The following FSD1 variants were observed in gnomAD, a reference collection of about 807,000 sequenced individuals.
FSD1 encodes fibronectin type III and SPRY domain-containing protein 1.
In FSD1, 23 loss-of-function variants were observed where a neutral mutation model predicts 58.2. That is an observed-to-expected ratio of 0.40 (90% CI 0.28 to 0.56). The LOEUF is 0.56. FSD1 is among the 20% of genes least tolerant of loss of function. FSD1 has a pLI of 0.54. For missense variants in FSD1, 563 were observed against 670.8 expected (o/e 0.84, Z 1.78); for synonymous variants, 265 against 263.4 (o/e 1.01, Z -0.06).
intron 10 of FSD1, 89 bp downstream of exon 10, chr19:4,319,040 G>A (rs978349020): frequency 4.0e-5 from 40 of 997,374 alleles, no homozygotes; most frequent in Middle Eastern, 2.1e-4. Context: ...CTTTGGCTGC[G>A]GAAACAGGCA....
intron 6 of FSD1, 85 bp from the exon 7 acceptor site, chr19:4,311,755 CAT>C: frequency 1.6e-6 from 2 of 1,249,488 alleles, no homozygotes; most frequent in Non-Finnish European, 1.2e-6. Context: ...AATTGTCCAA[CAT>C]GTGGTTGGGC....
chr19:4,305,862 G>T, intron 1 of FSD1, 84 bp from the exon 2 acceptor site: 1 of 978,654 alleles, frequency 1.0e-6, no homozygotes, highest in South Asian at 1.3e-5. Context: ...GTGTGCACGT[G>T]TGTACATGTG....
chr19:4,308,350 G>T (rs1197434124), intron 4 of FSD1, among the ~76,000 whole-genome samples: 1 of 152,174 alleles, frequency 6.6e-6, no homozygotes, highest in Non-Finnish European at 1.5e-5. Flanking sequence ...AGAGGTTGCC[G>T]TGAGCTGAGA....
intron 10 of FSD1, among the ~76,000 whole-genome samples, chr19:4,320,632 G>A (rs576377363): frequency 6.6e-6 from 1 of 152,248 alleles, no homozygotes; most frequent in East Asian, 1.9e-4. Context: ...TAAAGCTTAG[G>A]AGTATCTGGG....
intron 6 of FSD1, 44 bp from the exon 7 acceptor site, chr19:4,311,798 C>T (rs374955411): frequency 9.4e-5 from 149 of 1,592,024 alleles, no homozygotes; most frequent in Non-Finnish European, 1.2e-4. Context: ...GCCCCCTGAA[C>T]CAGGCACAGA....
intron 1 of FSD1, 49 bp downstream of exon 1, chr19:4,304,810 G>GC: frequency 8.9e-6 from 3 of 336,334 alleles, no homozygotes; most frequent in Admixed American, 5.2e-5. Flanking sequence ...CGGGGGCGGG[G>GC]AAGGGGACCA....
chr19:4,321,457 T>C (rs1458129029), intron 10 of FSD1, among the ~76,000 whole-genome samples: 5 of 132,236 alleles, frequency 3.8e-5, no homozygotes, highest in East Asian at 2.4e-4. Flanking sequence ...CTGAGGAGTA[T>C]CTGGAGGGGA....
chr19:4,323,757 TG>T lies in FSD1; in HGVS notation c.*121del, dbSNP rs971615351. The T allele has an allele frequency of 9.6e-6, 7 of 728,318 alleles. No homozygotes were observed. Among genetic ancestry groups the T allele is most frequent in the Admixed American group, 5.3e-5 (2 of 37,404 alleles). 45.1% of individuals were successfully genotyped at this position (728,318 alleles called of 1,614,324 possible). On this transcript the variant is annotated 3_prime_UTR_variant, in exon 13 of 13. Transcript: ENST00000221856. This position sits in a 1 kb window ranked among gnomAD's most constrained non-coding sequence, Gnocchi z 7.7. ...TGCTGCTTGGAGCCTTAACTCCAGATGGGGGGGTCACCAAGAGGGAGTGGGC... is the reference window on the plus strand; with the variant it reads ...TGCTGCTTGGAGCCTTAACTCCAGATGGGGGGTCACCAAGAGGGAGTGGGC...
chr19:4,313,047 G>A (rs1412562692), intron 7 of FSD1, among the ~76,000 whole-genome samples: 2 of 150,794 alleles, frequency 1.3e-5, no homozygotes, highest in Non-Finnish European at 2.9e-5. Flanking sequence ...CTCCTTGGCA[G>A]TTACAAGAAA....
intron 7 of FSD1, among the ~76,000 whole-genome samples, 180 bp downstream of exon 7, chr19:4,312,231 G>A (rs962296759): frequency 2.0e-5 from 3 of 152,210 alleles, no homozygotes; most frequent in African/African-American, 7.2e-5. Context: ...GCTCATGCCT[G>A]TAATCCCAGC....
intron 8 of FSD1, among the ~76,000 whole-genome samples, chr19:4,317,575 G>T (rs1197698623): frequency 6.6e-6 from 1 of 152,220 alleles, no homozygotes; most frequent in African/African-American, 2.4e-5. Flanking sequence ...GAGTAGTGAA[G>T]ACTGATTCCA....
Position 4,319,700 on chromosome 19 carries a change from T to C in FSD1, c.1039+749T>C, listed in dbSNP as rs1971793657. On this transcript the variant is annotated intron_variant, in intron 10 of 12. Coordinates refer to ENST00000221856, the MANE Select transcript of FSD1 (RefSeq NM_024333.3). The stretch of plus-strand genomic sequence containing the variant: ...GAGAGTTTTAGGGAGAAGCAGAAGA[T>C]ATAGGGAGTTGTCATTGGAGTTGCT... 3.3e-5 allele frequency among the ~76,000 whole-genome samples: 5 copies of C among 151,910 alleles called. No homozygotes were observed. The South Asian group carries it at 1.0e-3, about 32-fold the overall frequency.
chr19:4,309,463 G>A (rs1482285783), intron 4 of FSD1, among the ~76,000 whole-genome samples: 1 of 152,184 alleles, frequency 6.6e-6, no homozygotes, highest in Non-Finnish European at 1.5e-5. Context: ...TATGGGCTGG[G>A]TGTGGGCAGG....
intron 10 of FSD1, among the ~76,000 whole-genome samples, chr19:4,319,312 T>A (rs73534803): frequency 0.04 from 6,040 of 151,920 alleles, 129 homozygotes; most frequent in Middle Eastern, 0.1. Context: ...ATAGAGCAAC[T>A]GGGTTTGTGG....
chr19:4,313,107 G>C (rs1971713243), intron 7 of FSD1, among the ~76,000 whole-genome samples: 1 of 151,790 alleles, frequency 6.6e-6, no homozygotes, highest in Admixed American at 6.6e-5. Context: ...CAGCACTTTG[G>C]GAGGCTGAGG....
chr19:4,323,106 C>T lies in FSD1; in HGVS notation c.1160C>T (p.Thr387Met), dbSNP rs1971721836. The stretch of plus-strand genomic sequence containing the variant: ...GGCCGCTTCGAGCAACTGGGCAAGA[C>T]GGCCGCCTCCTGGTGCCTGCACGTC... ...SLGRFEQLGK[T>M]AASWCLHVNN... The change falls in exon 11 of 13, where the codon ACG becomes ATG. Residue 387 changes from threonine to methionine, a missense_variant. Transcript: ENST00000221856. The surrounding 1 kb of genome is among the most constrained non-coding windows in gnomAD (Gnocchi z 7.7). The T allele has an allele frequency of 1.2e-6, 2 of 1,608,274 alleles. No homozygotes were observed. Among genetic ancestry groups the T allele is most frequent in the Non-Finnish European group, 1.7e-6 (2 of 1,179,774 alleles).
At chr19:4,317,332 C>T in intron 8 of FSD1, 52 bp downstream of exon 8, 1 of 1,079,210 alleles carries the variant, frequency 9.3e-7, no homozygotes, top group Non-Finnish European at 1.4e-6. Context: ...CCCTTCCTCC[C>T]ACAGCCCCCA....
At chr19:4,319,672 G>A (rs1971793402) in intron 10 of FSD1, among the ~76,000 whole-genome samples, 1 of 152,048 alleles carries the variant, frequency 6.6e-6, no homozygotes, top group East Asian at 1.9e-4. Flanking sequence ...ACCTGGGATT[G>A]GTGAGAGTTT....
chr19:4,317,375 C>A, intron 8 of FSD1, 95 bp downstream of exon 8: 1 of 791,218 alleles, frequency 1.3e-6, no homozygotes, highest in Non-Finnish European at 2.2e-6. Context: ...CAGGGTTGCC[C>A]TGGCTGCCAG....
Sources: allele counts gnomAD v4.1 joint callset (sites outside exome capture counted in the v4.1 genomes callset), GRCh38; gene constraint gnomAD v4.1.1; non-coding constraint Gnocchi (gnomAD v3.1); transcripts MANE v1.5; gene names NCBI Gene and HGNC (gene_info 2026-07-23, HGNC 2026-07-21).